LTA4H: variants seen among roughly 807,000 people sequenced by gnomAD.
LTA4H encodes the protein leukotriene A-4 hydrolase.
A neutral mutation model predicts 89.8 loss-of-function variants in LTA4H; 59 were observed. That is an observed-to-expected ratio of 0.66 (90% CI 0.53 to 0.82). The LOEUF is 0.82. Among genes scored for constraint, LTA4H ranks in the 40% least tolerant of loss-of-function variants. The pLI, the probability that LTA4H is intolerant of heterozygous loss-of-function variation, is 0.00. For synonymous variants in LTA4H, 227 were observed against 253.1 expected (o/e 0.90, Z 0.98); for missense variants, 617 against 727.0 (o/e 0.85, Z 1.74).
Position 96,013,205 on chromosome 12 carries a change from C to T in LTA4H, c.1362G>A (p.Leu454=), listed in dbSNP as rs777061485. 3 of 1,613,256 alleles carry T rather than the reference C, an allele frequency of 1.9e-6. No individual in the cohort carries two copies. The highest frequency in any genetic ancestry group is 2.2e-5 in the East Asian group (1 of 44,858). The stretch of plus-strand genomic sequence containing the variant: ...GTACTTACTTGGGCTTTATGGGAGG[C>T]AGTCCAGGAGAGTAGAGCCAGGCAT... ...DWNAWLYSPG[L]PPIKPNYDMT... Residue 454 remains leucine, a synonymous_variant, in exon 14 of 19, where the codon CTG becomes CTA. Coordinates refer to ENST00000228740, the MANE Select transcript of LTA4H (RefSeq NM_000895.3).
At chr12:96,028,357 T>G (rs999019362) in intron 2 of LTA4H, among the ~76,000 whole-genome samples, 8 of 152,138 alleles carry the variant, frequency 5.3e-5, no homozygotes, top group African/African-American at 1.9e-4. Flanking sequence ...CAAGCTAGAC[T>G]TAAGTGTTTC....
At chr12:96,034,656 G>A (rs1414642726) in intron 1 of LTA4H, among the ~76,000 whole-genome samples, 5 of 152,238 alleles carry the variant, frequency 3.3e-5, no homozygotes, top group African/African-American at 1.2e-4. Context: ...TTAGCAAGCA[G>A]GGACTGTTAG....
intron 18 of LTA4H, 23 bp downstream of exon 18, chr12:96,002,937 G>A (rs932847486): frequency 1.5e-5 from 22 of 1,482,540 alleles, no homozygotes; most frequent in Non-Finnish European, 2.0e-5. Flanking sequence ...TGAATTCAAA[G>A]TACGGTCTGA....
At chr12:96,036,068 C>G (rs533550345), upstream of LTA4H, among the ~76,000 whole-genome samples, 2 of 152,104 alleles carry the variant, frequency 1.3e-5, no homozygotes, top group Admixed American at 6.5e-5. Flanking sequence ...CGCGGGAGAC[C>G]GGGGTTCGAT....
At chr12:96,012,355 C>T (rs1482538758) in intron 14 of LTA4H, 2 of 152,176 alleles carry the variant, frequency 1.3e-5, no homozygotes, top group African/African-American at 2.4e-5. Context: ...GGTCAGTGTC[C>T]TCACACAACT....
rs114493880 is a variant in LTA4H, at chr12:96,029,046, C to T, written c.290+9G>A. 3.2e-6 allele frequency: 5 copies of T among 1,558,342 alleles called. No homozygotes were observed. Among genetic ancestry groups the T allele is most frequent in the Admixed American group, 2.0e-5 (1 of 49,292 alleles). On this transcript the variant is annotated intron_variant, in intron 2 of 18. Coordinates refer to ENST00000228740, the MANE Select transcript of LTA4H (RefSeq NM_000895.3). ...TAGCTGTAAAAGAGAAAGATCATAA[C>T]ATTCATACTTGCTCAAAGCGATAGG...
chr12:96,028,196 A>C (rs1443122385), intron 2 of LTA4H, among the ~76,000 whole-genome samples: 1 of 152,188 alleles, frequency 6.6e-6, no homozygotes, highest in East Asian at 1.9e-4. Flanking sequence ...AGCACTGATA[A>C]TAAGGAAACA....
chr12:96,013,426 G>A (rs976422474), intron 13 of LTA4H, among the ~76,000 whole-genome samples, 168 bp from the exon 14 acceptor site: 1 of 152,140 alleles, frequency 6.6e-6, no homozygotes, highest in Non-Finnish European at 1.5e-5. Context: ...TCATAATTGT[G>A]TATACTTATG....
chr12:96,017,186 C>A (rs1592883639), intron 9 of LTA4H, 72 bp from the exon 10 acceptor site: 1 of 1,014,824 alleles, frequency 9.9e-7, no homozygotes, highest in East Asian at 2.4e-5. Context: ...ACTGTAAACA[C>A]TCCATGTTAT....
At chr12:96,015,515 T>C in intron 11 of LTA4H, 68 bp downstream of exon 11, 1 of 1,148,918 alleles carries the variant, frequency 8.7e-7, no homozygotes, top group South Asian at 1.3e-5. Context: ...AAGACGCTTT[T>C]ATAAAAACTC....
chr12:96,016,704 C>T (rs988292898), intron 10 of LTA4H, among the ~76,000 whole-genome samples: 3 of 151,902 alleles, frequency 2.0e-5, no homozygotes, highest in South Asian at 4.2e-4. Context: ...AGTTCGAGAC[C>T]AGCCTGGGCA....
At chr12:96,027,754 T>G (rs1301175781) in intron 2 of LTA4H, 190 bp from the exon 3 acceptor site, 4 of 364,404 alleles carry the variant, frequency 1.1e-5, no homozygotes, top group Non-Finnish European at 2.0e-5. Context: ...ATTGCCAGCC[T>G]GTGGGTCCTT....
At chr12:96,027,597 A>T (rs376498267) in intron 2 of LTA4H, 33 bp from the exon 3 acceptor site, 29 of 1,406,194 alleles carry the variant, frequency 2.1e-5, no homozygotes, top group African/African-American at 2.9e-5. Flanking sequence ...TTAGTAGAGT[A>T]TGATTCCATC....
upstream of LTA4H, among the ~76,000 whole-genome samples, chr12:96,036,017 C>G (rs151319000): frequency 2.6e-5 from 4 of 152,122 alleles, no homozygotes; most frequent in East Asian, 1.9e-4. Context: ...TTCTTTCGTG[C>G]GGTTCCTCGT....
chr12:96,023,034 T>A (rs764623620), intron 4 of LTA4H, among the ~76,000 whole-genome samples: 13 of 152,224 alleles, frequency 8.5e-5, no homozygotes, highest in Non-Finnish European at 1.2e-4. Flanking sequence ...GCAAACCATA[T>A]AGTCATTTAA....
In LTA4H at chr12:96,014,849, A is replaced by G. The variant is rs1434719532; in HGVS notation, c.1204+6T>C. Reference sequence around the variant, plus strand: ...AAAAAAAAATCATAAAATACCAACTACTTACCTGGTCCTCCAAGCAGTTGT... The same window carrying G: ...AAAAAAAAATCATAAAATACCAACTGCTTACCTGGTCCTCCAAGCAGTTGT... On this transcript the variant is annotated splice_donor_region_variant and intron_variant, in intron 12 of 18. Transcript: ENST00000228740. 1.9e-5 allele frequency: 30 copies of G among 1,602,758 alleles called. No individual in the cohort carries two copies. The highest frequency in any genetic ancestry group is 2.4e-5 in the Non-Finnish European group (28 of 1,176,910).
Position 96,015,707 on chromosome 12 carries a change from T to A in LTA4H, c.948-13A>T, listed in dbSNP as rs750976175. On this transcript the variant is annotated splice_polypyrimidine_tract_variant and intron_variant, in intron 10 of 18. Coordinates refer to ENST00000228740, the MANE Select transcript of LTA4H (RefSeq NM_000895.3). ...TCCCTCATTTAACCTGAAAAAAAAA[T>A]ATTTTAATAAAAACACGGACACAGC... 17 of 1,453,528 alleles carry A rather than the reference T, an allele frequency of 1.2e-5. No homozygotes were observed. Among genetic ancestry groups the A allele is most frequent in the Non-Finnish European group, 1.4e-5 (15 of 1,040,942 alleles). 90.0% of individuals were successfully genotyped at this position (1,453,528 alleles called of 1,614,324 possible).
rs183466672 is a variant in LTA4H at position 96,002,882 on chromosome 12, T to C, written c.1718+78A>G. The C allele has an allele frequency of 1.9e-5, 18 of 936,552 alleles. No individual in the cohort carries two copies. The Admixed American group carries it at 2.6e-4, about 14-fold the overall frequency. The allele number at this position is 936,552 out of a possible 1,614,324, so 58.0% of individuals were successfully genotyped here. ...TAACAAATTAAAAAATATTGTCATA[T>C]AGATTACGTTTAAATATTTGACAGT... On this transcript the variant is annotated intron_variant, in intron 18 of 18. Coordinates refer to ENST00000228740, the MANE Select transcript of LTA4H (RefSeq NM_000895.3).
At chr12:96,021,357 A>T (rs1950450209) in intron 5 of LTA4H, among the ~76,000 whole-genome samples, 1 of 152,166 alleles carries the variant, frequency 6.6e-6, no homozygotes, top group Non-Finnish European at 1.5e-5. Context: ...TTTGCCTTTT[A>T]TTCTGCTAGG....
Sources: allele counts gnomAD v4.1 joint callset (sites outside exome capture counted in the v4.1 genomes callset), GRCh38; gene constraint gnomAD v4.1.1; transcripts MANE v1.5; gene names NCBI Gene and HGNC (gene_info 2026-07-23, HGNC 2026-07-21).